The following BOD1 variants were observed in gnomAD, a reference collection of about 807,000 sequenced individuals.
BOD1 encodes biorientation of chromosomes in cell division 1.
A neutral mutation model predicts 15.7 loss-of-function variants in BOD1; 11 were observed. The ratio of observed to expected loss-of-function variants is 0.70; its 90% CI spans 0.44 to 1.16. The LOEUF is 1.16. Ranked by LOEUF, BOD1 falls within the 50% of genes most tolerant of loss-of-function variation. BOD1 has a pLI of 0.00. For synonymous variants in BOD1, 105 were observed against 103.5 expected (o/e 1.01, Z -0.09); for missense variants, 182 against 244.5 (o/e 0.74, Z 1.70).
intron 3 of BOD1, 141 bp downstream of exon 3, chr5:173,609,097 T>G: frequency 1.1e-6 from 1 of 921,880 alleles, no homozygotes; most frequent in South Asian, 1.9e-5. Context: ...CAGTAAAAAG[T>G]GACTTATAAC....
Position 173,613,278 on chromosome 5 carries a change from C to T in BOD1, c.238-23G>A, listed in dbSNP as rs374248809. 6.2e-6 allele frequency: 10 copies of T among 1,612,526 alleles called. No individual in the cohort carries two copies. In the African/African-American group the frequency reaches 1.3e-4, roughly 22 times the overall value. On this transcript the variant is annotated intron_variant, in intron 1 of 3. Transcript: ENST00000311086. ...TGGCTAAAATGTTAAAAAGAGGAGGCAAGGTCAGAAGTTATATGCACCAAA... is the reference window on the plus strand; with the variant it reads ...TGGCTAAAATGTTAAAAAGAGGAGGTAAGGTCAGAAGTTATATGCACCAAA...
At position 173,616,636 on chromosome 5, in the gene BOD1, G is replaced by A. The variant is rs1032003119; in HGVS notation, c.-200C>T. ...CCTCTGATACAGCAGAGGTTGTGGT[G>A]GACGCGGCAGAAACGGCCTGCTCGA... On this transcript the variant is annotated 5_prime_UTR_variant, in exon 1 of 4. Transcript: ENST00000311086. 8.4e-6 allele frequency: 11 copies of A among 1,313,302 alleles called. No individual in the cohort carries two copies. The African/African-American group carries it at 1.7e-4, about 20-fold the overall frequency. 81.4% of individuals were successfully genotyped at this position (1,313,302 alleles called of 1,614,324 possible).
chr5:173,613,354 G>T, intron 1 of BOD1, 99 bp from the exon 2 acceptor site: 1 of 1,384,444 alleles, frequency 7.2e-7, no homozygotes, highest in Non-Finnish European at 1.0e-6. Flanking sequence ...ACGTTATTAA[G>T]TCTAAATACA....
At position 173,608,064 on chromosome 5, in the gene BOD1, C is replaced by T. The variant is rs1387783148; in HGVS notation, c.*230G>A. Reference sequence around the variant, plus strand: ...TCTCTCTGTAGTGTCTACTTGGTGTCATGCCCTTGGACAGGCTGGCCAAAT... The same window carrying T: ...TCTCTCTGTAGTGTCTACTTGGTGTTATGCCCTTGGACAGGCTGGCCAAAT... On this transcript the variant is annotated 3_prime_UTR_variant, in exon 4 of 4. Coordinates refer to ENST00000311086, the MANE Select transcript of BOD1 (RefSeq NM_138369.3). 1.3e-5 allele frequency: 6 copies of T among 473,990 alleles called. No individual in the cohort carries two copies. The highest frequency in any genetic ancestry group is 3.0e-5 in the African/African-American group (1 of 33,044). The allele number at this position is 473,990 out of a possible 1,614,324, so 29.4% of individuals were successfully genotyped here. A position where few individuals can be genotyped will look rare whatever the true frequency, so the allele number is the denominator to read the frequency against.
At chr5:173,615,530 A>C (rs1438495071) in intron 1 of BOD1, among the ~76,000 whole-genome samples, 1 of 152,196 alleles carries the variant, frequency 6.6e-6, no homozygotes, top group African/African-American at 2.4e-5. Context: ...ACATTCCAGC[A>C]ACTACTGTAT....
Position 173,609,107 on chromosome 5 carries a change from C to T in BOD1, c.*1+131G>A. The T allele has an allele frequency of 5.0e-6, 5 of 1,010,038 alleles. No individual in the cohort carries two copies. The African/African-American group carries it at 6.4e-5, about 13-fold the overall frequency. 62.6% of individuals were successfully genotyped at this position (1,010,038 alleles called of 1,614,324 possible). A position where few individuals can be genotyped will look rare whatever the true frequency, so the allele number is the denominator to read the frequency against. On this transcript the variant is annotated intron_variant, in intron 3 of 3. Coordinates refer to ENST00000311086, the MANE Select transcript of BOD1 (RefSeq NM_138369.3). Reference sequence around the variant, plus strand: ...GTTCTCAGTAAAAAGTGACTTATAACAGTAGGTGAAGTCCATCTGCAGTAA... The same window carrying T: ...GTTCTCAGTAAAAAGTGACTTATAATAGTAGGTGAAGTCCATCTGCAGTAA...
At position 173,616,592 on chromosome 5, in the gene BOD1, G is replaced by A. The variant is rs938119789; in HGVS notation, c.-156C>T. ...GATGGCGGCAGGGGCGGTGGTGGGG[G>A]CGGCGGCGGCGAAGGCCCCCTCTGA... On this transcript the variant is annotated 5_prime_UTR_variant, in exon 1 of 4. Transcript: ENST00000311086. The A allele has an allele frequency of 8.8e-5, 119 of 1,352,874 alleles. No homozygotes were observed. The highest frequency in any genetic ancestry group is 3.7e-4 in the East Asian group (12 of 32,064). 83.8% of individuals were successfully genotyped at this position (1,352,874 alleles called of 1,614,324 possible).
chr5:173,609,534 A>G, intron 2 of BOD1, 100 bp from the exon 3 acceptor site: 2 of 1,231,934 alleles, frequency 1.6e-6, no homozygotes, highest in Non-Finnish European at 2.3e-6. Context: ...GTCCACCTTC[A>G]AAGCTACAGC....
At chr5:173,608,367 G>A in intron 3 of BOD1, 75 bp from the exon 4 acceptor site, 2 of 1,160,042 alleles carry the variant, frequency 1.7e-6, no homozygotes, top group East Asian at 2.3e-5. Flanking sequence ...GTTCCTAAAG[G>A]AATTTACAAT....
chr5:173,614,132 G>A (rs1031649607), intron 1 of BOD1, among the ~76,000 whole-genome samples: 1 of 152,236 alleles, frequency 6.6e-6, no homozygotes, highest in African/African-American at 2.4e-5. Context: ...GGGAATATCT[G>A]GTTCCAAACG....
chr5:173,612,007 G>A (rs1487151623), intron 2 of BOD1, among the ~76,000 whole-genome samples: 1 of 152,212 alleles, frequency 6.6e-6, no homozygotes, highest in Non-Finnish European at 1.5e-5. Context: ...GAGTTGCTCA[G>A]TAAGGGGCAG....
Position 173,608,120 on chromosome 5 carries a change from AC to A in BOD1, c.*173del. 1 of 554,776 alleles carries A rather than the reference AC, an allele frequency of 1.8e-6. No individual in the cohort carries two copies. Among genetic ancestry groups the A allele is most frequent in the South Asian group, 1.9e-5 (1 of 51,610 alleles). The allele number at this position is 554,776 out of a possible 1,614,324, so 34.4% of individuals were successfully genotyped here. On this transcript the variant is annotated 3_prime_UTR_variant, in exon 4 of 4. Coordinates refer to ENST00000311086, the MANE Select transcript of BOD1 (RefSeq NM_138369.3). ...CACAATGCAGGGGGTGACACGGTCA[AC>A]TCTCCCACTGCCGAACTTGCTCCCC... is the stretch of plus-strand genomic sequence containing the variant.
chr5:173,611,101 A>AG (rs1755338944), intron 2 of BOD1, among the ~76,000 whole-genome samples: 1 of 152,332 alleles, frequency 6.6e-6, no homozygotes, highest in Non-Finnish European at 1.5e-5. Context: ...ACCCCTGATC[A>AG]GGGGAAACAA....
chr5:173,615,941 T>C (rs1755484002), intron 1 of BOD1, among the ~76,000 whole-genome samples: 1 of 152,192 alleles, frequency 6.6e-6, no homozygotes, highest in Admixed American at 6.5e-5. Context: ...TGATACGGTC[T>C]AGGCTCTAAA....
intron 3 of BOD1, 114 bp downstream of exon 3, chr5:173,609,124 C>T: frequency 8.6e-7 from 1 of 1,160,404 alleles, no homozygotes; most frequent in Non-Finnish European, 1.2e-6. Flanking sequence ...TGAAGTCCAT[C>T]TGCAGTAAAT....
In BOD1 at chr5:173,613,461, C is replaced by A. The variant is rs566893315; in HGVS notation, c.238-206G>T. On this transcript the variant is annotated intron_variant, in intron 1 of 3. Transcript: ENST00000311086. ...GATGGTGGGTGGGCACAATGCCAGGCGCTTTACTTATATTATTCCATTTGC... is the reference window on the plus strand; with the variant it reads ...GATGGTGGGTGGGCACAATGCCAGGAGCTTTACTTATATTATTCCATTTGC... Among the ~76,000 whole-genome samples the A allele has an allele frequency of 3.9e-5, 6 of 152,244 alleles. No homozygotes were observed. The South Asian group carries it at 8.3e-4, about 21-fold the overall frequency.
rs1306757325 is a variant in BOD1 at position 173,613,200 on chromosome 5, T to C, written c.293A>G (p.Asp98Gly). 2 of 1,614,170 alleles carry C rather than the reference T, an allele frequency of 1.2e-6. No individual in the cohort carries two copies. Among genetic ancestry groups the C allele is most frequent in the Non-Finnish European group, 1.7e-6 (2 of 1,179,988 alleles). ...KVDNFVSTHL[D>G]KQEWNPTMNK... ...CATCGTAGGATTCCATTCCTGCTTG[T>C]CCAGATGTGTTGACACAAAATTATC... The change falls in exon 2 of 4, where the codon GAC becomes GGC. Residue 98 changes from aspartate (D) to glycine (G), a missense_variant. Asp to Gly is a moderately conservative substitution (Grantham distance 94, BLOSUM62 -1). Around this residue, in one of 3 missense-constraint regions of BOD1, gnomAD observed 70 missense variants for 130.3 expected, o/e 0.54. Coordinates refer to ENST00000311086, the MANE Select transcript of BOD1 (RefSeq NM_138369.3).
In BOD1 at chr5:173,609,552, G is replaced by C. The variant is rs892594235; in HGVS notation, c.363-118C>G. ...CACCTTCAAAGCTACAGCCCTTCTA[G>C]GGAGTTTAGAGGTCAATCCACTTAC... On this transcript the variant is annotated intron_variant, in intron 2 of 3. Coordinates refer to ENST00000311086, the MANE Select transcript of BOD1 (RefSeq NM_138369.3). The C allele has an allele frequency of 2.8e-6, 3 of 1,071,612 alleles. No individual in the cohort carries two copies. The African/African-American group carries it at 4.8e-5, about 17-fold the overall frequency. The allele number at this position is 1,071,612 out of a possible 1,614,324, so 66.4% of individuals were successfully genotyped here.
intron 2 of BOD1, among the ~76,000 whole-genome samples, chr5:173,610,464 G>C (rs775437452): frequency 6.6e-6 from 1 of 152,184 alleles, no homozygotes; most frequent in Non-Finnish European, 1.5e-5. Context: ...GGATTCAATG[G>C]TAACTAACAG....
Sources: gnomAD v4.1 joint callset for allele counts (sites outside exome capture counted in the v4.1 genomes callset) on GRCh38, gnomAD v4.1.1 for gene constraint, gnomAD v4.1.1 regional missense constraint, MANE v1.5 for transcripts, NCBI Gene and HGNC (gene_info 2026-07-23, HGNC 2026-07-21) for gene names.